Variants in TMEFF1 observed in about 807,000 individuals in gnomAD.
TMEFF1 encodes the protein transmembrane protein with EGF like and two follistatin like domains 1.
A neutral mutation model predicts 47.5 loss-of-function variants in TMEFF1; 20 were observed. The ratio of observed to expected loss-of-function variants is 0.42; its 90% CI spans 0.30 to 0.61. TMEFF1 has a LOEUF of 0.61. Ranked by LOEUF, TMEFF1 falls within the 20% of genes least tolerant of loss-of-function variation. TMEFF1 has a pLI of 0.19. For synonymous variants in TMEFF1, 162 were observed against 166.3 expected, an observed-to-expected ratio of 0.97 and a Z score of 0.20; for missense variants, 411 against 471.1, an observed-to-expected ratio of 0.87 and a Z score of 1.18.
intron 5 of TMEFF1, among the ~76,000 whole-genome samples, chr9:100,540,128 A>G (rs866967376): frequency 7.2e-5 from 11 of 152,082 alleles, no homozygotes; most frequent in South Asian, 2.1e-4. Context: ...AGCTAGACAC[A>G]GAGCGCTGAT....
chr9:100,518,276 A>G (rs960083318), intron 5 of TMEFF1: 5 of 216,230 alleles, frequency 2.3e-5, no homozygotes, highest in Non-Finnish European at 3.9e-5. Flanking sequence ...AGACATCTAC[A>G]TGATAAAATA....
At chr9:100,476,089 A>G (rs1230736546) in intron 1 of TMEFF1, among the ~76,000 whole-genome samples, 1 of 152,174 alleles carries the variant, frequency 6.6e-6, no homozygotes, top group Non-Finnish European at 1.5e-5. Flanking sequence ...CGTATTCATC[A>G]CTGATATAAA....
chr9:100,527,447 A>ATTCCC (rs1454093386), intron 5 of TMEFF1, among the ~76,000 whole-genome samples: 1 of 152,196 alleles, frequency 6.6e-6, no homozygotes, highest in East Asian at 1.9e-4. Context: ...GGGGTGAGGG[A>ATTCCC]TTTCCCTTTC....
rs1248147453 is a variant in TMEFF1 at position 100,473,778 on chromosome 9, C to T, written c.196+38C>T. ...GGAGCCGGCCCTAGGTCTTCCCACC[C>T]CTCCGTTGCCGCCTCCCTCGTGGTC... On this transcript the variant is annotated intron_variant, in intron 1 of 9. Coordinates refer to ENST00000374879, the MANE Select transcript of TMEFF1 (RefSeq NM_003692.5). The surrounding 1 kb of genome is among the most constrained non-coding windows in gnomAD (Gnocchi z 5.4). The T allele has an allele frequency of 3.5e-6, 5 of 1,435,376 alleles. No homozygotes were observed. Among genetic ancestry groups the T allele is most frequent in the Non-Finnish European group, 4.6e-6 (5 of 1,084,758 alleles). 88.9% of individuals were successfully genotyped at this position (1,435,376 alleles called of 1,614,324 possible).
intron 1 of TMEFF1, among the ~76,000 whole-genome samples, chr9:100,488,834 T>G (rs1837498148): frequency 6.6e-6 from 1 of 152,212 alleles, no homozygotes; most frequent in Admixed American, 6.5e-5. Flanking sequence ...ATGCCTGTTT[T>G]TAATTTTTTT....
chr9:100,481,291 C>T (rs1038951948), intron 1 of TMEFF1, among the ~76,000 whole-genome samples: 44 of 152,306 alleles, frequency 2.9e-4, no homozygotes, highest in East Asian at 3.9e-4. Context: ...GTTTCGTTTA[C>T]CACTGTATTG....
At chr9:100,538,081 GA>G (rs1336533099) in intron 5 of TMEFF1, among the ~76,000 whole-genome samples, 4 of 151,484 alleles carry the variant, frequency 2.6e-5, no homozygotes, top group Admixed American at 6.6e-5. Context: ...TTTTGAGACA[GA>G]CTCTCATGTT....
rs752427622 is a variant in TMEFF1 at position 100,497,320 on chromosome 9, C to CTTTTTTTTTTTTTTTTTTTTTTTT, written c.197-1444_197-1421dup. Among the ~76,000 whole-genome samples, 21 of 59,542 alleles carry CTTTTTTTTTTTTTTTTTTTTTTTT rather than the reference C, an allele frequency of 3.5e-4. 1 individual carries two copies. Among genetic ancestry groups the CTTTTTTTTTTTTTTTTTTTTTTTT allele is most frequent in the East Asian group, 2.7e-3 (5 of 1,834 alleles). 39.1% of individuals were successfully genotyped at this position (59,542 alleles called of 152,430 possible). A position where few individuals can be genotyped will look rare whatever the true frequency, so the allele number is the denominator to read the frequency against. On this transcript the variant is annotated intron_variant, in intron 1 of 9. Transcript: ENST00000374879. ...TCTTGCTTTAAGTTTCCACTCATGT[C>CTTTTTTTTTTTTTTTTTTTTTTTT]TTTTTTTTTTTTTTTTTTTTTTTTG...
intron 7 of TMEFF1, among the ~76,000 whole-genome samples, chr9:100,551,907 G>A (rs1351540902): frequency 6.6e-6 from 1 of 152,162 alleles, no homozygotes; most frequent in Non-Finnish European, 1.5e-5. Context: ...GGGGAACAGT[G>A]GGAATCTGTG....
At position 100,561,446 on chromosome 9, in the gene TMEFF1, C is replaced by T. The variant is rs78311168; in HGVS notation, c.825C>T (p.Cys275=). The T allele has an allele frequency of 1.1e-3, 1,824 of 1,613,776 alleles. 17 individuals carry two copies. In the African/African-American group the frequency reaches 0.021, roughly 19 times the overall value. Residue 275 remains cysteine (C), a synonymous_variant, in exon 8 of 10, where the codon TGC becomes TGT. Transcript: ENST00000374879. ...TTTATATTGGAAACCACATGCCTTG[C>T]CCTGAAAACCTCAATGGTTACTGCA... is the stretch of plus-strand genomic sequence containing the variant. The part of the protein sequence containing the change: ...EDVYIGNHMP[C]PENLNGYCIH...
intron 5 of TMEFF1, among the ~76,000 whole-genome samples, chr9:100,546,835 A>G (rs1482191052): frequency 3.3e-5 from 5 of 152,182 alleles, no homozygotes; most frequent in East Asian, 3.9e-4. Context: ...AGATTTTACT[A>G]TTCTTGAGGG....
chr9:100,563,062 C>G (rs184401904), intron 8 of TMEFF1, among the ~76,000 whole-genome samples: 1 of 152,066 alleles, frequency 6.6e-6, no homozygotes, highest in African/African-American at 2.4e-5. Flanking sequence ...ATGATCCGCC[C>G]GCCTTGGCCT....
At chr9:100,497,320 C>CTTTTTTTTTTTTTTTTTTTTTTTTTT (rs752427622) in intron 1 of TMEFF1, among the ~76,000 whole-genome samples, 38 of 59,548 alleles carry the variant, frequency 6.4e-4, no homozygotes, top group Non-Finnish European at 8.7e-4. Context: ...CCACTCATGT[C>CTTTTTTTTTTTTTTTTTTTTTTTTTT]TTTTTTTTTT....
At chr9:100,555,383 C>A (rs754746699) in intron 7 of TMEFF1, among the ~76,000 whole-genome samples, 2 of 152,144 alleles carry the variant, frequency 1.3e-5, no homozygotes, top group South Asian at 4.2e-4. Flanking sequence ...TTTTATCTTT[C>A]CTTTTTGAAG....
chr9:100,533,231 A>G (rs1292589468), intron 5 of TMEFF1, among the ~76,000 whole-genome samples: 1 of 152,122 alleles, frequency 6.6e-6, no homozygotes, highest in African/African-American at 2.4e-5. Flanking sequence ...TAGAACTTAA[A>G]GTATAATAAT....
At chr9:100,532,233 T>A (rs1838398145) in intron 5 of TMEFF1, among the ~76,000 whole-genome samples, 1 of 151,800 alleles carries the variant, frequency 6.6e-6, no homozygotes, top group African/African-American at 2.4e-5. Flanking sequence ...AAGCCAAAAT[T>A]GACAAATGGG....
At chr9:100,529,821 A>T (rs1274652432) in intron 5 of TMEFF1, among the ~76,000 whole-genome samples, 2 of 152,190 alleles carry the variant, frequency 1.3e-5, no homozygotes, top group Non-Finnish European at 2.9e-5. Flanking sequence ...CACCTATTCC[A>T]AAATTGACCA....
chr9:100,551,250 T>A (rs1367503943), intron 7 of TMEFF1, among the ~76,000 whole-genome samples: 1 of 152,218 alleles, frequency 6.6e-6, no homozygotes, highest in East Asian at 1.9e-4. Context: ...TGAGATAATA[T>A]ATGTTAAGTG....
rs556926141 is a variant in TMEFF1, at chr9:100,531,339, G to A, written c.560+14568G>A. Among the ~76,000 whole-genome samples the A allele has an allele frequency of 1.4e-4, 21 of 152,224 alleles. No individual in the cohort carries two copies. In the East Asian group the frequency reaches 2.9e-3, roughly 21 times the overall value. The stretch of plus-strand genomic sequence containing the variant: ...ACATGATTGTATATCTAGAAAACCC[G>A]ACTGTCTCAGCCCAAAATCTCCTTA... On this transcript the variant is annotated intron_variant, in intron 5 of 9. Transcript: ENST00000374879.
Sources: allele counts gnomAD v4.1 joint callset (sites outside exome capture counted in the v4.1 genomes callset), GRCh38; gene constraint gnomAD v4.1.1; non-coding constraint Gnocchi (gnomAD v3.1); transcripts MANE v1.5; gene names NCBI Gene and HGNC (gene_info 2026-07-23, HGNC 2026-07-21).